GLIS3: variants seen among roughly 807,000 people sequenced by gnomAD.
GLIS3 encodes GLIS family zinc finger 3.
Under a neutral mutation model 78.6 loss-of-function variants are expected in GLIS3, and 53 were observed. That is an observed-to-expected ratio of 0.67 (90% CI 0.54 to 0.85). The LOEUF (loss-of-function observed/expected upper bound fraction) is 0.85. GLIS3 is among the 40% of genes least tolerant of loss of function. GLIS3 has a pLI of 0.00. For missense variants in GLIS3, 1,703 were observed against 1,231.1 expected, an observed-to-expected ratio of 1.38 and a Z score of -5.74; for synonymous variants, 684 against 509.9, an observed-to-expected ratio of 1.34 and a Z score of -4.60.
At chr9:4,357,591 A>ATGTGTGTGTGTG in the GLIS3 span, among the ~76,000 whole-genome samples, 33 of 127,890 alleles carry the variant, frequency 2.6e-4, no homozygotes, top group African/African-American at 1.1e-3. Flanking sequence ...GTGTGTGTGC[A>ATGTGTGTGTGTG]TGTGTATGTG....
At chr9:3,911,344 G>A (rs552355937) in intron 6 of GLIS3, among the ~76,000 whole-genome samples, 53 of 152,254 alleles carry the variant, frequency 3.5e-4, no homozygotes, top group African/African-American at 1.3e-3. Flanking sequence ...TCTTTATCCT[G>A]GGAGGCTACC....
chr9:3,919,930 T>C (rs1365192320), intron 6 of GLIS3, among the ~76,000 whole-genome samples: 1 of 151,832 alleles, frequency 6.6e-6, no homozygotes, highest in African/African-American at 2.4e-5. Context: ...GGCCCTCCCA[T>C]TTCTTTTAAA....
intron 2 of GLIS3, among the ~76,000 whole-genome samples, chr9:4,278,114 T>C (rs746371338): frequency 3.3e-5 from 5 of 152,172 alleles, no homozygotes; most frequent in Non-Finnish European, 5.9e-5. Context: ...GCAAAAAAAA[T>C]ACACTGATGT....
intron 2 of GLIS3, among the ~76,000 whole-genome samples, chr9:4,340,669 A>C (rs1380563521): frequency 6.6e-6 from 1 of 152,154 alleles, no homozygotes; most frequent in Non-Finnish European, 1.5e-5. Context: ...TGTCGGAACC[A>C]GATCCCACCT....
At chr9:3,912,401 G>A (rs1360978535) in intron 6 of GLIS3, among the ~76,000 whole-genome samples, 1 of 152,080 alleles carries the variant, frequency 6.6e-6, no homozygotes, top group Admixed American at 6.6e-5. Flanking sequence ...TCTTGGAAGA[G>A]ACTAAAACAT....
chr9:3,896,947 A>C (rs192910148), intron 7 of GLIS3, among the ~76,000 whole-genome samples: 74 of 152,346 alleles, frequency 4.9e-4, no homozygotes, highest in African/African-American at 1.6e-3. Context: ...GTCATGGACA[A>C]AAAGTGGACA....
intron 3 of GLIS3, 112 bp downstream of exon 3, chr9:4,125,622 G>A (rs1021911357): frequency 3.8e-6 from 3 of 784,310 alleles, no homozygotes; most frequent in Non-Finnish European, 6.5e-6. Context: ...GCTTGAGTGT[G>A]TAAGTGTATG....
the GLIS3 span, among the ~76,000 whole-genome samples, chr9:4,358,273 G>A: frequency 2.0e-5 from 3 of 151,964 alleles, no homozygotes; most frequent in Admixed American, 1.3e-4. Flanking sequence ...TTGTATACTC[G>A]TTTTAATGCT....
chr9:4,255,982 G>A (rs1351345576), intron 2 of GLIS3, among the ~76,000 whole-genome samples: 1 of 152,072 alleles, frequency 6.6e-6, no homozygotes, highest in African/African-American at 2.4e-5. Context: ...GGAAATCTCT[G>A]TACCTGTTGC....
intron 4 of GLIS3, among the ~76,000 whole-genome samples, chr9:4,089,386 A>G (rs1037529034): frequency 5.9e-5 from 9 of 152,198 alleles, no homozygotes; most frequent in Non-Finnish European, 1.2e-4. Flanking sequence ...GAAAATGTAT[A>G]TGTGTGTGTA....
At chr9:4,145,537 T>C (rs1453836640) in intron 2 of GLIS3, among the ~76,000 whole-genome samples, 1 of 152,118 alleles carries the variant, frequency 6.6e-6, no homozygotes, top group Non-Finnish European at 1.5e-5. Context: ...ACACAGTTCT[T>C]AAGAATGAGG....
intron 6 of GLIS3, among the ~76,000 whole-genome samples, chr9:3,900,270 C>A (rs569555431): frequency 6.7e-6 from 1 of 149,408 alleles, no homozygotes; most frequent in South Asian, 2.1e-4. Flanking sequence ...AATGTTAAAA[C>A]GTCTTTTTAC....
chr9:4,103,988 C>T (rs979674600), intron 4 of GLIS3, among the ~76,000 whole-genome samples: 5 of 152,150 alleles, frequency 3.3e-5, no homozygotes, highest in African/African-American at 1.2e-4. Context: ...TTCACTCCTT[C>T]TTCTACTCTT....
chr9:4,337,475 G>A (rs1438955201), intron 2 of GLIS3, among the ~76,000 whole-genome samples: 1 of 152,124 alleles, frequency 6.6e-6, no homozygotes, highest in African/African-American at 2.4e-5. Flanking sequence ...TGATTTAAAC[G>A]AATGAAGGCA....
intron 2 of GLIS3, among the ~76,000 whole-genome samples, chr9:4,341,429 C>T (rs562180735): frequency 6.6e-6 from 1 of 152,354 alleles, no homozygotes; most frequent in Admixed American, 6.5e-5. Context: ...TGGAGAAAAA[C>T]TCACCATTGT....
At chr9:4,287,408 C>T (rs1828095091) in intron 1 of GLIS3, among the ~76,000 whole-genome samples, 1 of 152,202 alleles carries the variant, frequency 6.6e-6, no homozygotes, top group Non-Finnish European at 1.5e-5. Flanking sequence ...TCATCACCCA[C>T]CCACGTGATG....
intron 4 of GLIS3, among the ~76,000 whole-genome samples, chr9:4,114,766 G>A (rs910934301): frequency 1.3e-5 from 2 of 152,054 alleles, no homozygotes; most frequent in African/African-American, 2.4e-5. Flanking sequence ...ATCGAGGCCA[G>A]GCCTGGAAAG....
chr9:4,486,837 G>A, the GLIS3 span, among the ~76,000 whole-genome samples: 1 of 152,140 alleles, frequency 6.6e-6, no homozygotes, highest in Non-Finnish European at 1.5e-5. Flanking sequence ...CTACAGGCAT[G>A]TGCCATCATG....
intron 6 of GLIS3, 27 bp from the exon 7 acceptor site, chr9:3,898,862 C>T (rs760341925): frequency 6.8e-6 from 11 of 1,613,132 alleles, no homozygotes; most frequent in Non-Finnish European, 8.5e-6. Flanking sequence ...GAAGAGACAT[C>T]GATAAGGAGA....
Sources: gnomAD v4.1 joint callset for allele counts (sites outside exome capture counted in the v4.1 genomes callset) on GRCh38, gnomAD v4.1.1 for gene constraint, MANE v1.5 for transcripts, NCBI Gene and HGNC (gene_info 2026-07-23, HGNC 2026-07-21) for gene names.